The following UNC5D variants were observed in gnomAD, a reference collection of about 807,000 sequenced individuals.
UNC5D encodes netrin receptor UNC5D.
A neutral mutation model predicts 105.4 loss-of-function variants in UNC5D; 39 were observed. The observed-to-expected ratio is 0.37, with a 90% confidence interval of 0.29 to 0.48. The LOEUF (loss-of-function observed/expected upper bound fraction) is 0.48, where lower values mean the gene tolerates loss of function less well. Ranked by LOEUF, UNC5D falls within the 20% of genes least tolerant of loss-of-function variation. The pLI, the probability that UNC5D is intolerant of heterozygous loss-of-function variation, is 0.98. For synonymous variants in UNC5D, 452 were observed against 450.4 expected (o/e 1.00, Z -0.04); for missense variants, 991 against 1,202.4 (o/e 0.82, Z 2.60).
intron 7 of UNC5D, among the ~76,000 whole-genome samples, chr8:35,698,139 A>G (rs1185056335): frequency 6.6e-6 from 1 of 152,000 alleles, no homozygotes; most frequent in Non-Finnish European, 1.5e-5. Context: ...AAAATTGTAT[A>G]TGTTTAAATT....
At chr8:35,691,957 C>A (rs1826430308) in intron 7 of UNC5D, among the ~76,000 whole-genome samples, 1 of 152,134 alleles carries the variant, frequency 6.6e-6, no homozygotes, top group African/African-American at 2.4e-5. Flanking sequence ...AAGGGATTAG[C>A]ACCTAGATGT....
At chr8:35,605,896 A>G (rs754685161) in intron 4 of UNC5D, among the ~76,000 whole-genome samples, 12 of 152,182 alleles carry the variant, frequency 7.9e-5, no homozygotes, top group Non-Finnish European at 1.6e-4. Context: ...ATTAATAGAC[A>G]TTAGGTGAAA....
At chr8:35,646,274 C>T (rs1304379393) in intron 4 of UNC5D, among the ~76,000 whole-genome samples, 1 of 151,912 alleles carries the variant, frequency 6.6e-6, no homozygotes, top group Non-Finnish European at 1.5e-5. Context: ...TGCTTTTTTT[C>T]TACAACATTA....
intron 1 of UNC5D, among the ~76,000 whole-genome samples, chr8:35,313,990 G>C (rs34055119): frequency 2.0e-5 from 3 of 152,138 alleles, no homozygotes; most frequent in Non-Finnish European, 4.4e-5. Flanking sequence ...AAGGTGTCAG[G>C]AGAATGGAAA....
intron 1 of UNC5D, among the ~76,000 whole-genome samples, chr8:35,305,011 G>A (rs963047566): frequency 2.0e-5 from 3 of 152,082 alleles, no homozygotes; most frequent in African/African-American, 7.2e-5. Flanking sequence ...CTGAAGAATT[G>A]AAGCAGTGCC....
intron 1 of UNC5D, among the ~76,000 whole-genome samples, chr8:35,470,635 G>A (rs1809643611): frequency 6.6e-6 from 1 of 151,370 alleles, no homozygotes; most frequent in Non-Finnish European, 1.5e-5. Context: ...CCTAGGCATG[G>A]TGGTACATGC....
At chr8:35,750,447 T>A (rs1349568472) in intron 12 of UNC5D, 135 bp from the exon 13 acceptor site, 1 of 861,734 alleles carries the variant, frequency 1.2e-6, no homozygotes. Flanking sequence ...ACAGTTAACA[T>A]CGGGATAATT....
intron 1 of UNC5D, among the ~76,000 whole-genome samples, chr8:35,503,934 G>A (rs1273996145): frequency 1.3e-5 from 2 of 152,124 alleles, no homozygotes; most frequent in South Asian, 2.1e-4. Context: ...TAAAATATAC[G>A]ACTTAAACTT....
At chr8:35,523,156 C>A (rs1390098755) in intron 1 of UNC5D, among the ~76,000 whole-genome samples, 1 of 149,400 alleles carries the variant, frequency 6.7e-6, no homozygotes, top group Non-Finnish European at 1.5e-5. Context: ...ACTCATGGCT[C>A]ACTGCAGCCT....
At chr8:35,498,578 T>G (rs752116416) in intron 1 of UNC5D, among the ~76,000 whole-genome samples, 6 of 152,040 alleles carry the variant, frequency 3.9e-5, no homozygotes, top group Admixed American at 1.3e-4. Flanking sequence ...GCTCCTCCAG[T>G]GTACTGGGAA....
At chr8:35,249,614 TA>T (rs1169152151) in intron 1 of UNC5D, among the ~76,000 whole-genome samples, 1 of 149,790 alleles carries the variant, frequency 6.7e-6, no homozygotes, top group Non-Finnish European at 1.5e-5. Flanking sequence ...AATAAATAAA[TA>T]AAAACTTCGG....
intron 1 of UNC5D, 23 bp from the exon 2 acceptor site, chr8:35,549,269 T>C (rs1815924404): frequency 6.2e-7 from 1 of 1,611,812 alleles, no homozygotes; most frequent in Non-Finnish European, 8.5e-7. Context: ...GGCTGTGTTC[T>C]GATGTCTTTT....
At chr8:35,571,850 A>T (rs1031000508) in intron 3 of UNC5D, among the ~76,000 whole-genome samples, 4 of 152,224 alleles carry the variant, frequency 2.6e-5, no homozygotes, top group Admixed American at 6.5e-5. Context: ...AATGTAGCTT[A>T]TGAATCTGAT....
chr8:35,478,560 A>G (rs570158621), intron 1 of UNC5D, among the ~76,000 whole-genome samples: 1 of 152,274 alleles, frequency 6.6e-6, no homozygotes, highest in African/African-American at 2.4e-5. Flanking sequence ...TGCTAAAGTT[A>G]TTTATTCCTA....
At chr8:35,691,351 G>T (rs1826374716) in intron 7 of UNC5D, among the ~76,000 whole-genome samples, 1 of 152,166 alleles carries the variant, frequency 6.6e-6, no homozygotes, top group East Asian at 1.9e-4. Context: ...GCCAAGTGTG[G>T]TGGTGCATGC....
intron 1 of UNC5D, among the ~76,000 whole-genome samples, chr8:35,248,763 A>G (rs1199834955): frequency 2.7e-4 from 27 of 99,142 alleles, no homozygotes; most frequent in African/African-American, 1.0e-3. Flanking sequence ...AAATATATAT[A>G]ATATATTATA....
intron 4 of UNC5D, among the ~76,000 whole-genome samples, chr8:35,638,692 A>G (rs769304331): frequency 1.4e-4 from 22 of 152,074 alleles, no homozygotes; most frequent in Admixed American, 2.0e-4. Flanking sequence ...CTACTCAGGA[A>G]GCTGAGCTGA....
chr8:35,365,212 G>C (rs946235994), intron 1 of UNC5D, among the ~76,000 whole-genome samples: 1 of 151,996 alleles, frequency 6.6e-6, no homozygotes, highest in Non-Finnish European at 1.5e-5. Context: ...TTATCTCCTA[G>C]GTGTAGCCAA....
intron 4 of UNC5D, 95 bp downstream of exon 4, chr8:35,595,752 A>T: frequency 9.2e-7 from 1 of 1,081,780 alleles, no homozygotes; most frequent in African/African-American, 1.6e-5. Context: ...GAAGTAAAGG[A>T]GCCCATGTCT....
Sources: gnomAD v4.1 joint callset for allele counts (sites outside exome capture counted in the v4.1 genomes callset) on GRCh38, gnomAD v4.1.1 for gene constraint, MANE v1.5 for transcripts, NCBI Gene and HGNC (gene_info 2026-07-23, HGNC 2026-07-21) for gene names.